Variants in VKORC1L1 observed in about 807,000 individuals in gnomAD.
VKORC1L1 encodes the protein vitamin K epoxide reductase complex subunit 1L1.
VKORC1L1 carries 2 observed loss-of-function variants against 18.9 expected under a neutral mutation model. The ratio of observed to expected loss-of-function variants is 0.11; its 90% CI spans 0.04 to 0.33. The LOEUF (loss-of-function observed/expected upper bound fraction) is 0.33. Among genes scored for constraint, VKORC1L1 ranks in the 10% least tolerant of loss-of-function variants. VKORC1L1 has a pLI of 1.00. For synonymous variants in VKORC1L1, 96 were observed against 100.0 expected, an observed-to-expected ratio of 0.96 and a Z score of 0.24; for missense variants, 123 against 224.1, an observed-to-expected ratio of 0.55 and a Z score of 2.88.
intron 1 of VKORC1L1, among the ~76,000 whole-genome samples, chr7:65,906,526 A>G (rs573078800): frequency 6.6e-6 from 1 of 152,314 alleles, no homozygotes; most frequent in Admixed American, 6.5e-5. Context: ...GAACTGGATC[A>G]GGGAAACAAG....
At chr7:65,932,937 G>A (rs1339221080) in intron 1 of VKORC1L1, among the ~76,000 whole-genome samples, 2 of 152,044 alleles carry the variant, frequency 1.3e-5, no homozygotes, top group Non-Finnish European at 2.9e-5. Flanking sequence ...AATTAGCCAG[G>A]CACAATGGCA....
chr7:65,913,952 A>C (rs1301135218), intron 1 of VKORC1L1, among the ~76,000 whole-genome samples: 1 of 152,090 alleles, frequency 6.6e-6, no homozygotes, highest in Non-Finnish European at 1.5e-5. Context: ...GCCAAAACAC[A>C]GAGCTGGAAT....
chr7:65,933,784 A>G (rs1448886155), intron 1 of VKORC1L1, among the ~76,000 whole-genome samples: 3 of 151,830 alleles, frequency 2.0e-5, no homozygotes, highest in South Asian at 2.1e-4. Context: ...ATTTTTTGGT[A>G]TTTTATCTAT....
chr7:65,947,558 G>A (rs1245885303), intron 1 of VKORC1L1, among the ~76,000 whole-genome samples: 1 of 151,896 alleles, frequency 6.6e-6, no homozygotes, highest in African/African-American at 2.4e-5. Context: ...AAAAAATCAG[G>A]TTTTAAAAAT....
rs562928286 is a variant in VKORC1L1, at chr7:65,945,350, G to A, written c.195-3321G>A. Among the ~76,000 whole-genome samples, 286 of 152,174 alleles carry A rather than the reference G, an allele frequency of 1.9e-3. 3 individuals carry two copies. The highest frequency in any genetic ancestry group is 6.7e-3 in the African/African-American group (278 of 41,518). On this transcript the variant is annotated intron_variant, in intron 1 of 2. Transcript: ENST00000360768. ...AACAGGGCCGGGCGCAGTGGCTCAC[G>A]CCTGTAATCCCAGCACTTTGGGAGG...
At chr7:65,866,791 C>T in the VKORC1L1 span, among the ~76,000 whole-genome samples, 3 of 151,784 alleles carry the variant, frequency 2.0e-5, no homozygotes, top group Non-Finnish European at 4.4e-5. Flanking sequence ...CATGCACATG[C>T]GGTCACAGCT....
rs1307269919 is a variant in VKORC1L1 at position 65,873,389 on chromosome 7, G to A, written c.18G>A (p.Leu6=). The part of the protein sequence containing the change: MAAPV[L]LRVSVPRWER... The stretch of plus-strand genomic sequence containing the variant: ...GCGGGAAGATGGCGGCTCCCGTCCT[G>A]CTAAGAGTGTCGGTGCCGCGGTGGG... The change falls in exon 1 of 3, where the codon CTG becomes CTA. Residue 6 remains leucine, a synonymous_variant. Coordinates refer to ENST00000360768, the MANE Select transcript of VKORC1L1 (RefSeq NM_173517.6). The A allele has an allele frequency of 3.8e-6, 6 of 1,567,996 alleles. No homozygotes were observed. The highest frequency in any genetic ancestry group is 2.5e-5 in the East Asian group (1 of 40,608).
chr7:65,938,441 G>C (rs1478684345), intron 1 of VKORC1L1, among the ~76,000 whole-genome samples: 2 of 152,138 alleles, frequency 1.3e-5, no homozygotes, highest in Non-Finnish European at 2.9e-5. Context: ...ATTTGGCTAA[G>C]AAATGTATGA....
chr7:65,891,275 T>C (rs944658009), intron 1 of VKORC1L1, among the ~76,000 whole-genome samples: 11 of 152,176 alleles, frequency 7.2e-5, no homozygotes, highest in Admixed American at 1.3e-4. Flanking sequence ...TCATATATAC[T>C]AATTTCTCTT....
chr7:65,905,912 A>G (rs1338795101), intron 1 of VKORC1L1, among the ~76,000 whole-genome samples: 1 of 152,136 alleles, frequency 6.6e-6, no homozygotes, highest in Non-Finnish European at 1.5e-5. Flanking sequence ...TTGAAATTCT[A>G]TCAAAATCTC....
At chr7:65,869,438 A>G (rs1483210683), upstream of VKORC1L1, among the ~76,000 whole-genome samples, 1 of 152,178 alleles carries the variant, frequency 6.6e-6, no homozygotes, top group Non-Finnish European at 1.5e-5. Flanking sequence ...GTCAGAGTTT[A>G]AGATTTCAGA....
At chr7:65,937,663 C>G (rs1789965722) in intron 1 of VKORC1L1, among the ~76,000 whole-genome samples, 1 of 152,158 alleles carries the variant, frequency 6.6e-6, no homozygotes, top group South Asian at 2.1e-4. Flanking sequence ...TCCCTCCAAC[C>G]TCAGCCTCCC....
At chr7:65,900,814 T>C (rs1789302667) in intron 1 of VKORC1L1, among the ~76,000 whole-genome samples, 1 of 151,956 alleles carries the variant, frequency 6.6e-6, no homozygotes, top group African/African-American at 2.4e-5. Context: ...AAAATAATAA[T>C]AAAAATAATA....
At chr7:65,924,606 C>T (rs942970469) in intron 1 of VKORC1L1, among the ~76,000 whole-genome samples, 1 of 152,170 alleles carries the variant, frequency 6.6e-6, no homozygotes, top group African/African-American at 2.4e-5. Context: ...TAGATTTGGC[C>T]ATGAGTTGTA....
chr7:65,902,772 G>C (rs1417789592), intron 1 of VKORC1L1, among the ~76,000 whole-genome samples: 2 of 152,060 alleles, frequency 1.3e-5, no homozygotes, highest in Non-Finnish European at 2.9e-5. Flanking sequence ...ATCATGTACA[G>C]AGTAACAGAG....
chr7:65,923,486 C>T (rs911595032), intron 1 of VKORC1L1, among the ~76,000 whole-genome samples: 5 of 151,748 alleles, frequency 3.3e-5, no homozygotes, highest in African/African-American at 7.3e-5. Context: ...TGAATGAGAG[C>T]GTGTGAGGGA....
intron 1 of VKORC1L1, among the ~76,000 whole-genome samples, chr7:65,908,384 G>A (rs1789441833): frequency 6.6e-6 from 1 of 152,172 alleles, no homozygotes; most frequent in African/African-American, 2.4e-5. Context: ...CTGCACTCCA[G>A]CTTGGGTGAC....
chr7:65,915,383 G>A (rs1341774434), intron 1 of VKORC1L1, among the ~76,000 whole-genome samples: 1 of 150,790 alleles, frequency 6.6e-6, no homozygotes, highest in Non-Finnish European at 1.5e-5. Context: ...GAGCCACCGC[G>A]CCCAGCCTTT....
At position 65,878,680 on chromosome 7, in the gene VKORC1L1, G is replaced by A. The variant is rs188276470; in HGVS notation, c.194+5115G>A. On this transcript the variant is annotated intron_variant, in intron 1 of 2. Transcript: ENST00000360768. Reference sequence around the variant, plus strand: ...AGCACTTTGGGAGGCCGAGGTGGGCGGATCACGAGGTCGGGAGATCAAGAC... The same window carrying A: ...AGCACTTTGGGAGGCCGAGGTGGGCAGATCACGAGGTCGGGAGATCAAGAC... Among the ~76,000 whole-genome samples the A allele has an allele frequency of 5.3e-4, 81 of 152,192 alleles. No homozygotes were observed. In the East Asian group the frequency reaches 0.015, roughly 28 times the overall value.
Sources: gnomAD v4.1 joint callset for allele counts (sites outside exome capture counted in the v4.1 genomes callset) on GRCh38, gnomAD v4.1.1 for gene constraint, MANE v1.5 for transcripts, NCBI Gene and HGNC (gene_info 2026-07-23, HGNC 2026-07-21) for gene names.